BCL2L13: variants seen among roughly 807,000 people sequenced by gnomAD.
BCL2L13 encodes bcl-2-like protein 13.
In BCL2L13, 13 loss-of-function variants were observed where a neutral mutation model predicts 25.8. That is an observed-to-expected ratio of 0.50 (90% confidence interval 0.33 to 0.80). BCL2L13 has a LOEUF of 0.80. Among genes scored for constraint, BCL2L13 ranks in the 30% least tolerant of loss-of-function variants. BCL2L13 has a pLI of 0.02. For synonymous variants in BCL2L13, 244 were observed against 230.3 expected (o/e 1.06, Z -0.54); for missense variants, 504 against 574.9 (o/e 0.88, Z 1.26).
rs116142885 is a variant in BCL2L13, at chr22:17,652,127, T to A, written c.-50-3535T>A. 3.9e-5 allele frequency among the ~76,000 whole-genome samples: 6 copies of A among 152,296 alleles called. No homozygotes were observed. In the East Asian group the frequency reaches 7.7e-4, roughly 20 times the overall value. On this transcript the variant is annotated intron_variant, in intron 1 of 6. Coordinates refer to ENST00000317582, the MANE Select transcript of BCL2L13 (RefSeq NM_015367.4). Reference sequence around the variant, plus strand: ...AGAAACTCATCATAGGTGGAAAATATCATATGTTGAAAATGCATTTAATAC... The same window carrying A: ...AGAAACTCATCATAGGTGGAAAATAACATATGTTGAAAATGCATTTAATAC...
chr22:17,720,884 A>T (rs2061102770), intron 6 of BCL2L13, among the ~76,000 whole-genome samples: 1 of 151,362 alleles, frequency 6.6e-6, no homozygotes, highest in South Asian at 2.1e-4. Flanking sequence ...TGATAATAAC[A>T]GGCCGGGCGC....
chr22:17,721,563 C>A (rs1329102299), intron 6 of BCL2L13, among the ~76,000 whole-genome samples: 1 of 121,640 alleles, frequency 8.2e-6, no homozygotes, highest in Non-Finnish European at 1.6e-5. Flanking sequence ...GTCTTAATGC[C>A]ACCCAGGCTG....
chr22:17,667,963 CTTTTTTTT>C (rs71201863), intron 2 of BCL2L13, among the ~76,000 whole-genome samples: 1 of 71,696 alleles, frequency 1.4e-5, no homozygotes, highest in Non-Finnish European at 2.6e-5. Flanking sequence ...TCCAGTTTGT[CTTTTTTTT>C]TTTTTTTTTT....
At chr22:17,653,399 G>A (rs866853459) in intron 1 of BCL2L13, among the ~76,000 whole-genome samples, 13 of 151,602 alleles carry the variant, frequency 8.6e-5, no homozygotes, top group African/African-American at 3.1e-4. Context: ...GCTAGTTCAT[G>A]CCTTCTTACA....
intron 6 of BCL2L13, among the ~76,000 whole-genome samples, chr22:17,714,191 G>A (rs1362891554): frequency 1.3e-5 from 2 of 152,134 alleles, no homozygotes; most frequent in Admixed American, 6.5e-5. Context: ...TACTCGGGAG[G>A]CTGAGGCAGG....
chr22:17,702,987 T>C (rs2060482316), intron 6 of BCL2L13: 1 of 151,896 alleles, frequency 6.6e-6, no homozygotes, highest in Non-Finnish European at 1.5e-5. Flanking sequence ...ACCCCATCTG[T>C]ACAAAAAAAT....
chr22:17,668,598 C>A (rs977275695), intron 2 of BCL2L13, among the ~76,000 whole-genome samples: 2 of 151,960 alleles, frequency 1.3e-5, no homozygotes, highest in African/African-American at 4.8e-5. Flanking sequence ...GGATTACAGG[C>A]ATGCACCACA....
At chr22:17,725,754 G>C (rs2061278393) in intron 6 of BCL2L13, among the ~76,000 whole-genome samples, 1 of 151,120 alleles carries the variant, frequency 6.6e-6, no homozygotes, top group African/African-American at 2.4e-5. Context: ...GAAGTGTTTT[G>C]GATTTTAATT....
intron 6 of BCL2L13, chr22:17,706,558 C>G (rs1169986903): frequency 1.8e-6 from 1 of 554,114 alleles, no homozygotes; most frequent in African/African-American, 2.0e-5. Context: ...AAATGTCACA[C>G]TTTTACAAAT....
intron 6 of BCL2L13, among the ~76,000 whole-genome samples, chr22:17,717,737 T>C (rs9306197): frequency 0.019 from 2,887 of 152,274 alleles, 83 homozygotes; most frequent in African/African-American, 0.066. Context: ...GTTTTTTTTA[T>C]ATCATCCAAG....
intron 2 of BCL2L13, among the ~76,000 whole-genome samples, chr22:17,666,547 G>C (rs1468415420): frequency 6.6e-6 from 1 of 151,888 alleles, no homozygotes; most frequent in Non-Finnish European, 1.5e-5. Context: ...GTGTCCATGA[G>C]TTCAGTTGTT....
chr22:17,680,828 G>A (rs1601633034), intron 2 of BCL2L13, among the ~76,000 whole-genome samples: 4 of 152,256 alleles, frequency 2.6e-5, no homozygotes, highest in South Asian at 2.1e-4. Context: ...CCTTGAGCTC[G>A]TGTGAGTGGT....
intron 2 of BCL2L13, among the ~76,000 whole-genome samples, chr22:17,656,593 C>T (rs1341089684): frequency 4.0e-5 from 6 of 151,640 alleles, no homozygotes; most frequent in African/African-American, 1.2e-4. Flanking sequence ...GGTGATCGCC[C>T]GCCTCGGCCT....
intron 1 of BCL2L13, among the ~76,000 whole-genome samples, chr22:17,643,584 G>A (rs1164589680): frequency 6.6e-6 from 1 of 152,060 alleles, no homozygotes; most frequent in African/African-American, 2.4e-5. Flanking sequence ...TGATAGCCAA[G>A]AAACTTAATG....
intron 2 of BCL2L13, among the ~76,000 whole-genome samples, chr22:17,676,132 C>T (rs1433562745): frequency 6.6e-6 from 1 of 152,184 alleles, no homozygotes; most frequent in Non-Finnish European, 1.5e-5. Flanking sequence ...TCTCATTACT[C>T]TTCACAACTA....
intron 6 of BCL2L13, among the ~76,000 whole-genome samples, chr22:17,710,612 A>T (rs2060725272): frequency 6.7e-6 from 1 of 150,026 alleles, no homozygotes; most frequent in South Asian, 2.1e-4. Context: ...AAAATAAATA[A>T]ATGCCTGTAA....
chr22:17,651,466 C>A (rs1165751419), intron 1 of BCL2L13, among the ~76,000 whole-genome samples: 1 of 151,358 alleles, frequency 6.6e-6, no homozygotes, highest in South Asian at 2.1e-4. Flanking sequence ...ACTGCAAGCT[C>A]CGCCTCCCAG....
chr22:17,663,151 G>A (rs1456256966), intron 2 of BCL2L13, among the ~76,000 whole-genome samples: 8 of 152,262 alleles, frequency 5.3e-5, no homozygotes, highest in Middle Eastern at 6.8e-3. Context: ...GATTACAGGC[G>A]TGAGGTATTG....
chr22:17,723,049 A>G (rs2061191241), intron 6 of BCL2L13, among the ~76,000 whole-genome samples: 1 of 152,188 alleles, frequency 6.6e-6, no homozygotes, highest in Admixed American at 6.5e-5. Flanking sequence ...AAATGATGCT[A>G]ATGAAAATCC....
Sources: gnomAD v4.1 joint callset for allele counts (sites outside exome capture counted in the v4.1 genomes callset) on GRCh38, gnomAD v4.1.1 for gene constraint, MANE v1.5 for transcripts, NCBI Gene and HGNC (gene_info 2026-07-23, HGNC 2026-07-21) for gene names.